Variants in NDST3 observed in about 807,000 individuals in gnomAD.
NDST3 encodes bifunctional heparan sulfate N-deacetylase/N-sulfotransferase 3.
A neutral mutation model predicts 96.1 loss-of-function variants in NDST3; 58 were observed. The observed-to-expected ratio is 0.60, with a 90% CI of 0.49 to 0.75. The LOEUF (loss-of-function observed/expected upper bound fraction) is 0.75. Among genes scored for constraint, NDST3 ranks in the 30% least tolerant of loss-of-function variants. NDST3 has a pLI of 0.00. For missense variants in NDST3, 788 were observed against 1,034.2 expected, an observed-to-expected ratio of 0.76 and a Z score of 3.27; for synonymous variants, 333 against 359.7, an observed-to-expected ratio of 0.93 and a Z score of 0.84.
At chr4:118,244,870 G>C (rs189295428) in intron 12 of NDST3, among the ~76,000 whole-genome samples, 1 of 152,054 alleles carries the variant, frequency 6.6e-6, no homozygotes, top group African/African-American at 2.4e-5. Context: ...GTTATCATGG[G>C]TGTTAAATGA....
In NDST3 at chr4:118,210,408, A is replaced by T. The variant is rs998542881; in HGVS notation, c.1540-14083A>T. Among the ~76,000 whole-genome samples, 4 of 152,254 alleles carry T rather than the reference A, an allele frequency of 2.6e-5. No individual in the cohort carries two copies. The East Asian group carries it at 7.7e-4, about 29-fold the overall frequency. ...ATTATGTGCCCTTTTTTCCAAAGAC[A>T]GATCAAAGGCTCCCAAATCCCAGGG... is the stretch of plus-strand genomic sequence containing the variant. On this transcript the variant is annotated intron_variant, in intron 6 of 13. Coordinates refer to ENST00000296499, the MANE Select transcript of NDST3 (RefSeq NM_004784.3).
intron 4 of NDST3, among the ~76,000 whole-genome samples, chr4:118,128,036 G>A (rs1732267786): frequency 6.6e-6 from 1 of 151,924 alleles, no homozygotes; most frequent in South Asian, 2.1e-4. Context: ...TGTTGATCTT[G>A]TATCTTGAAT....
intron 1 of NDST3, among the ~76,000 whole-genome samples, chr4:118,048,842 C>T (rs531417120): frequency 5.3e-5 from 8 of 152,108 alleles, no homozygotes; most frequent in Non-Finnish European, 1.2e-4. Flanking sequence ...CTAATAAACT[C>T]CGGACTTAAA....
At chr4:118,128,538 A>T (rs1026432682) in intron 4 of NDST3, among the ~76,000 whole-genome samples, 8 of 152,062 alleles carry the variant, frequency 5.3e-5, no homozygotes, top group African/African-American at 1.9e-4. Flanking sequence ...GACAAGTCTC[A>T]CTTGGTCATG....
At chr4:118,249,005 T>C (rs997198055) in intron 12 of NDST3, among the ~76,000 whole-genome samples, 17 of 152,340 alleles carry the variant, frequency 1.1e-4, no homozygotes, top group Admixed American at 3.9e-4. Context: ...TATGAGGGTA[T>C]GCACACAGAT....
At chr4:118,174,527 A>C (rs1253210029) in intron 6 of NDST3, among the ~76,000 whole-genome samples, 1 of 152,162 alleles carries the variant, frequency 6.6e-6, no homozygotes, top group African/African-American at 2.4e-5. Context: ...ATCATTGTAC[A>C]GAGATCTCAA....
At chr4:118,140,008 C>T (rs1578713006) in intron 5 of NDST3, among the ~76,000 whole-genome samples, 2 of 152,130 alleles carry the variant, frequency 1.3e-5, no homozygotes, top group East Asian at 3.9e-4. Flanking sequence ...TTATCCTGGC[C>T]TTCCTAACCT....
chr4:118,069,895 A>G (rs576572394), intron 2 of NDST3, among the ~76,000 whole-genome samples: 1 of 152,088 alleles, frequency 6.6e-6, no homozygotes, highest in East Asian at 1.9e-4. Flanking sequence ...TTATGTATTT[A>G]TATTCCCAGG....
intron 2 of NDST3, among the ~76,000 whole-genome samples, chr4:118,094,702 G>A (rs1729150797): frequency 6.6e-6 from 1 of 151,624 alleles, no homozygotes; most frequent in African/African-American, 2.4e-5. Flanking sequence ...ACTCTATTGG[G>A]AGCCTACTAC....
At chr4:118,250,612 G>A (rs1001750933) in intron 12 of NDST3, among the ~76,000 whole-genome samples, 5 of 151,976 alleles carry the variant, frequency 3.3e-5, no homozygotes, top group African/African-American at 4.8e-5. Context: ...AGCCTCCTGA[G>A]TAGCTGGGAT....
At chr4:118,207,146 TACACACACACAC>T (rs67300451) in intron 6 of NDST3, among the ~76,000 whole-genome samples, 7,487 of 128,794 alleles carry the variant, frequency 0.058, 1,032 homozygotes, top group Non-Finnish European at 0.075. Flanking sequence ...TCTGGAAGAA[TACACACACACAC>T]ACACACACAC....
chr4:118,081,969 T>C (rs575506967), intron 2 of NDST3, among the ~76,000 whole-genome samples: 2 of 152,298 alleles, frequency 1.3e-5, no homozygotes, highest in East Asian at 1.9e-4. Context: ...ACATAAATCA[T>C]GTTCAGCACA....
At chr4:118,244,244 A>G (rs934931942) in intron 12 of NDST3, among the ~76,000 whole-genome samples, 2 of 152,130 alleles carry the variant, frequency 1.3e-5, no homozygotes, top group South Asian at 2.1e-4. Flanking sequence ...CCTTCACCCT[A>G]TGCCCTTTGT....
rs553358620 is a variant in NDST3 at position 118,071,119 on chromosome 4, T to TA, written c.981+16229dup. Among the ~76,000 whole-genome samples, 167 of 152,260 alleles carry TA rather than the reference T, an allele frequency of 1.1e-3. 1 individual carries two copies. The highest frequency in any genetic ancestry group is 1.4e-3 in the Non-Finnish European group (94 of 68,010). Reference sequence around the variant, plus strand: ...TGTGCCACATTTTCTTAATCCAGTCTATCATTGATGGACATTTGGGTTGGT... The same window carrying TA: ...TGTGCCACATTTTCTTAATCCAGTCTAATCATTGATGGACATTTGGGTTGGT... On this transcript the variant is annotated intron_variant, in intron 2 of 13. Coordinates refer to ENST00000296499, the MANE Select transcript of NDST3 (RefSeq NM_004784.3).
At chr4:118,219,838 A>G (rs1302293156) in intron 6 of NDST3, among the ~76,000 whole-genome samples, 4 of 152,150 alleles carry the variant, frequency 2.6e-5, no homozygotes, top group African/African-American at 4.8e-5. Context: ...ATCATCATCA[A>G]AAAATTGGCA....
chr4:118,161,809 G>C (rs1735163972), intron 6 of NDST3, among the ~76,000 whole-genome samples: 1 of 152,154 alleles, frequency 6.6e-6, no homozygotes, highest in South Asian at 2.1e-4. Flanking sequence ...GGAACTCCCT[G>C]ATCCCTTGAG....
At chr4:118,089,476 A>G (rs914557861) in intron 2 of NDST3, among the ~76,000 whole-genome samples, 1 of 151,940 alleles carries the variant, frequency 6.6e-6, no homozygotes, top group Non-Finnish European at 1.5e-5. Context: ...AATAGGTAAA[A>G]TCGTGGCATC....
At chr4:118,078,813 C>G (rs886707509) in intron 2 of NDST3, among the ~76,000 whole-genome samples, 2 of 151,662 alleles carry the variant, frequency 1.3e-5, no homozygotes, top group African/African-American at 4.8e-5. Context: ...TAACCCTAGG[C>G]AAGTGTTTAA....
Position 118,256,946 on chromosome 4 carries a change from A to C in NDST3, c.*1234A>C, listed in dbSNP as rs1742155418. The C allele has an allele frequency of 6.6e-6, 1 of 152,110 alleles. No individual in the cohort carries two copies. The highest frequency in any genetic ancestry group is 2.4e-5 in the African/African-American group (1 of 41,418). 9.4% of individuals were successfully genotyped at this position (152,110 alleles called of 1,614,324 possible). Reference sequence around the variant, plus strand: ...CATTTTTGAAAATATTTCACCCATCACTCTGGTGGAAGTAACAGATCATAG... The same window carrying C: ...CATTTTTGAAAATATTTCACCCATCCCTCTGGTGGAAGTAACAGATCATAG... On this transcript the variant is annotated 3_prime_UTR_variant, in exon 14 of 14. Coordinates refer to ENST00000296499, the MANE Select transcript of NDST3 (RefSeq NM_004784.3).
Sources: gnomAD v4.1 joint callset for allele counts (sites outside exome capture counted in the v4.1 genomes callset) on GRCh38, gnomAD v4.1.1 for gene constraint, MANE v1.5 for transcripts, NCBI Gene and HGNC (gene_info 2026-07-23, HGNC 2026-07-21) for gene names.